Variants in GRXCR1 observed in about 807,000 individuals in gnomAD.
GRXCR1 encodes the protein glutaredoxin and cysteine rich domain containing 1.
A neutral mutation model predicts 27.3 loss-of-function variants in GRXCR1; 27 were observed. That is an observed-to-expected ratio of 0.99 (90% CI 0.73 to 1.37). The LOEUF (loss-of-function observed/expected upper bound fraction) is 1.37. Ranked by LOEUF, GRXCR1 falls within the 40% of genes most tolerant of loss-of-function variation. GRXCR1 has a pLI of 0.00. For synonymous variants in GRXCR1, 122 were observed against 131.1 expected, an observed-to-expected ratio of 0.93 and a Z score of 0.47; for missense variants, 379 against 354.4, an observed-to-expected ratio of 1.07 and a Z score of -0.56.
At chr4:43,028,415 A>G (rs971663462) in intron 3 of GRXCR1, among the ~76,000 whole-genome samples, 3 of 152,212 alleles carry the variant, frequency 2.0e-5, no homozygotes, top group African/African-American at 7.2e-5. Flanking sequence ...CTTTACTAGG[A>G]ACTCAGATCT....
chr4:43,003,117 T>A (rs1265287765), intron 2 of GRXCR1, among the ~76,000 whole-genome samples: 7 of 152,152 alleles, frequency 4.6e-5, no homozygotes, highest in Admixed American at 3.9e-4. Context: ...TTTTGAGGCC[T>A]CCTAGGCATG....
intron 1 of GRXCR1, among the ~76,000 whole-genome samples, chr4:42,939,471 T>C (rs1049130944): frequency 2.6e-5 from 4 of 152,172 alleles, no homozygotes; most frequent in African/African-American, 9.6e-5. Flanking sequence ...ACTTCCTCCT[T>C]TCCAATTTGG....
chr4:42,935,348 C>A (rs1266810774), intron 1 of GRXCR1, among the ~76,000 whole-genome samples: 3 of 151,602 alleles, frequency 2.0e-5, no homozygotes, highest in Non-Finnish European at 2.9e-5. Context: ...ATTTTGAGAA[C>A]TATTGGGGGA....
chr4:42,927,523 C>A (rs1478955205), intron 1 of GRXCR1, among the ~76,000 whole-genome samples: 10 of 151,928 alleles, frequency 6.6e-5, no homozygotes, highest in Non-Finnish European at 1.3e-4. Flanking sequence ...TTTCACTAGG[C>A]ATCTTAAAGA....
chr4:42,967,750 T>C (rs769168867), intron 2 of GRXCR1, among the ~76,000 whole-genome samples: 20 of 152,150 alleles, frequency 1.3e-4, no homozygotes, highest in South Asian at 2.1e-4. Context: ...AGCTTTTTGC[T>C]GAGATACAGT....
intron 2 of GRXCR1, among the ~76,000 whole-genome samples, chr4:42,995,821 G>A (rs1340420973): frequency 6.6e-6 from 1 of 152,162 alleles, no homozygotes; most frequent in African/African-American, 2.4e-5. Flanking sequence ...AAAATATCAG[G>A]TTTGAAGAAT....
intron 1 of GRXCR1, among the ~76,000 whole-genome samples, chr4:42,899,970 C>T (rs1329464620): frequency 1.3e-5 from 2 of 152,100 alleles, no homozygotes. Context: ...TTATGGGTGG[C>T]CCATGATTAC....
intron 2 of GRXCR1, among the ~76,000 whole-genome samples, chr4:43,014,238 C>T (rs1256969687): frequency 6.6e-6 from 1 of 152,070 alleles, no homozygotes; most frequent in Non-Finnish European, 1.5e-5. Context: ...AAGTGTTTGG[C>T]ACAGAACTCC....
At chr4:42,995,918 A>T (rs1317438769) in intron 2 of GRXCR1, among the ~76,000 whole-genome samples, 1 of 152,182 alleles carries the variant, frequency 6.6e-6, no homozygotes, top group Non-Finnish European at 1.5e-5. Flanking sequence ...GTACTTGCTC[A>T]GGACTGATGT....
At chr4:42,914,793 G>C (rs979723273) in intron 1 of GRXCR1, among the ~76,000 whole-genome samples, 2 of 152,098 alleles carry the variant, frequency 1.3e-5, no homozygotes, top group Non-Finnish European at 2.9e-5. Flanking sequence ...ATCTCCATGT[G>C]TCAAAACTGG....
chr4:42,897,933 T>A (rs543009850), intron 1 of GRXCR1, among the ~76,000 whole-genome samples: 1,183 of 42,504 alleles, frequency 0.028, 22 homozygotes, highest in African/African-American at 0.046. Flanking sequence ...ATTATTATTA[T>A]TATTATTATT....
intron 1 of GRXCR1, among the ~76,000 whole-genome samples, chr4:42,925,021 A>G (rs1259475006): frequency 6.6e-6 from 1 of 151,918 alleles, no homozygotes; most frequent in Non-Finnish European, 1.5e-5. Context: ...TAATAGTTAT[A>G]TTATATGCCA....
intron 2 of GRXCR1, among the ~76,000 whole-genome samples, chr4:42,968,629 G>A (rs2109778101): frequency 6.6e-6 from 1 of 152,124 alleles, no homozygotes; most frequent in African/African-American, 2.4e-5. Context: ...CTTAGCACAG[G>A]TCTTCCATCC....
chr4:43,024,732 G>T (rs1713200886), intron 3 of GRXCR1, among the ~76,000 whole-genome samples: 1 of 152,156 alleles, frequency 6.6e-6, no homozygotes, highest in Non-Finnish European at 1.5e-5. Flanking sequence ...TAGCAGCTTG[G>T]TCAGGCAGAG....
chr4:42,934,137 A>G (rs1380078368), intron 1 of GRXCR1, among the ~76,000 whole-genome samples: 3 of 151,766 alleles, frequency 2.0e-5, no homozygotes, highest in Non-Finnish European at 4.4e-5. Context: ...CTTCTTCTCT[A>G]TGAGATCTCA....
intron 1 of GRXCR1, among the ~76,000 whole-genome samples, chr4:42,894,074 A>G (rs1189523664): frequency 1.3e-5 from 2 of 152,144 alleles, no homozygotes; most frequent in Non-Finnish European, 2.9e-5. Flanking sequence ...GAGTGCATGA[A>G]TTCAGCGAGG....
At chr4:42,935,476 G>C (rs1156929943) in intron 1 of GRXCR1, among the ~76,000 whole-genome samples, 1 of 151,876 alleles carries the variant, frequency 6.6e-6, no homozygotes, top group African/African-American at 2.4e-5. Context: ...TTGTGCAACA[G>C]ATGTGGTTTA....
intron 1 of GRXCR1, among the ~76,000 whole-genome samples, chr4:42,917,052 C>T (rs556991810): frequency 2.0e-5 from 3 of 152,136 alleles, no homozygotes; most frequent in Admixed American, 1.3e-4. Context: ...TGAGAGGAAA[C>T]AAAACCAAGA....
chr4:42,956,238 C>T (rs1748001088), intron 1 of GRXCR1, among the ~76,000 whole-genome samples: 1 of 152,080 alleles, frequency 6.6e-6, no homozygotes, highest in Admixed American at 6.6e-5. Flanking sequence ...ATCTTTATTA[C>T]CATCTAGGTC....
Sources: allele counts gnomAD v4.1 joint callset (sites outside exome capture counted in the v4.1 genomes callset), GRCh38; gene constraint gnomAD v4.1.1; transcripts MANE v1.5; gene names NCBI Gene and HGNC (gene_info 2026-07-23, HGNC 2026-07-21).